The following SPHKAP variants were observed in gnomAD, a reference collection of about 807,000 sequenced individuals.
The protein encoded by SPHKAP is SPHK1 interactor, AKAP domain containing.
A neutral mutation model predicts 137.5 loss-of-function variants in SPHKAP; 67 were observed. That is an observed-to-expected ratio of 0.49 (90% CI 0.40 to 0.60). The LOEUF (loss-of-function observed/expected upper bound fraction) is 0.60. Ranked by LOEUF, SPHKAP falls within the 20% of genes least tolerant of loss-of-function variation. The probability of loss-of-function intolerance (pLI) is 0.00; values close to 1 mark genes in which losing one functional copy is unlikely to be tolerated. For missense variants in SPHKAP, 2,097 were observed against 2,069.3 expected, an observed-to-expected ratio of 1.01 and a Z score of -0.26; for synonymous variants, 813 against 785.3, an observed-to-expected ratio of 1.04 and a Z score of -0.59.
At position 227,980,775 on chromosome 2, in the gene SPHKAP, A is replaced by G. The variant is rs1692966099; in HGVS notation, c.*942T>C. ...GTGATGAAACAGGCCACTGAGCTCAATGTCAATATGTGACTTTAGACAACA... is the reference window on the plus strand; with the variant it reads ...GTGATGAAACAGGCCACTGAGCTCAGTGTCAATATGTGACTTTAGACAACA... On this transcript the variant is annotated 3_prime_UTR_variant, in exon 12 of 12. Coordinates refer to ENST00000392056, the MANE Select transcript of SPHKAP (RefSeq NM_001142644.2). The G allele has an allele frequency of 6.6e-6, 1 of 152,204 alleles. No individual in the cohort carries two copies. Among genetic ancestry groups the G allele is most frequent in the Non-Finnish European group, 1.5e-5 (1 of 68,026 alleles). 9.4% of individuals were successfully genotyped at this position (152,204 alleles called of 1,614,324 possible).
rs112749989 is a variant in SPHKAP, at chr2:227,995,633, C to T, written c.4510G>A (p.Asp1504Asn). 584 of 1,613,608 alleles carry T rather than the reference C, an allele frequency of 3.6e-4. 3 individuals are homozygous for T. In the African/African-American group the frequency reaches 6.6e-3, roughly 18 times the overall value. The change falls in exon 8 of 12, where the codon GAT becomes AAT. Residue 1504 changes from aspartate (D) to asparagine (N), a missense_variant. Physicochemically the swap from Asp to Asn is conservative, Grantham distance 23. Transcript: ENST00000392056. ...CTGCTTGGAGGGTTGGGGGCCTCAT[C>T]GGGGGCTCTGGCTTCTGTGGAGGCT... ...AEASTEARAP[D>N]EAPNPPSSSE...
intron 3 of SPHKAP, among the ~76,000 whole-genome samples, chr2:228,067,350 A>G (rs1416524752): frequency 6.6e-6 from 1 of 152,240 alleles, no homozygotes; most frequent in East Asian, 1.9e-4. Context: ...AAAACTAATA[A>G]AATCTCAATA....
chr2:228,064,037 G>A (rs919240349), intron 3 of SPHKAP, among the ~76,000 whole-genome samples: 6 of 152,108 alleles, frequency 3.9e-5, no homozygotes, highest in Non-Finnish European at 7.3e-5. Context: ...AGTTGATATT[G>A]CTCAGTTCAA....
chr2:228,002,390 C>A (rs79572335), intron 7 of SPHKAP, among the ~76,000 whole-genome samples: 80,530 of 151,988 alleles, frequency 0.53, 21,688 homozygotes, highest in South Asian at 0.67. Context: ...GTCTGCTCAT[C>A]TCCTTCACCC....
chr2:228,129,243 C>A (rs556941297), intron 2 of SPHKAP, among the ~76,000 whole-genome samples: 2 of 152,124 alleles, frequency 1.3e-5, no homozygotes, highest in African/African-American at 2.4e-5. Flanking sequence ...TAAGTGAGCA[C>A]GTTCTGTTGG....
At chr2:228,136,980 C>G (rs562109914) in intron 1 of SPHKAP, among the ~76,000 whole-genome samples, 1 of 152,186 alleles carries the variant, frequency 6.6e-6, no homozygotes, top group Non-Finnish European at 1.5e-5. Flanking sequence ...CCTCCCTTCT[C>G]TCTTCCCCCT....
At chr2:228,091,327 T>G (rs952420230) in intron 3 of SPHKAP, among the ~76,000 whole-genome samples, 1 of 152,162 alleles carries the variant, frequency 6.6e-6, no homozygotes, top group African/African-American at 2.4e-5. Flanking sequence ...GAAGATAACA[T>G]TGGAAAACCC....
Position 227,989,497 on chromosome 2 carries a change from C to T in SPHKAP, c.4959+1503G>A, listed in dbSNP as rs117303646. On this transcript the variant is annotated intron_variant, in intron 11 of 11. Transcript: ENST00000392056. ...GGTTTTTCACCCTAATCCCTGGGAC[C>T]ATGAATAGGATGCGATATCATGCCC... is the stretch of plus-strand genomic sequence containing the variant. Among the ~76,000 whole-genome samples, 117 of 152,230 alleles carry T rather than the reference C, an allele frequency of 7.7e-4. 2 individuals carry two copies. In the East Asian group the frequency reaches 0.022, roughly 29 times the overall value.
chr2:228,108,692 T>C (rs1344311133), intron 3 of SPHKAP, 140 bp downstream of exon 3: 12 of 600,436 alleles, frequency 2.0e-5, no homozygotes, highest in Non-Finnish European at 3.4e-5. Context: ...ACTGTCCATA[T>C]AAACCCGCTA....
At chr2:228,159,071 G>T (rs553487918) in intron 1 of SPHKAP, among the ~76,000 whole-genome samples, 40 of 152,246 alleles carry the variant, frequency 2.6e-4, no homozygotes, top group Non-Finnish European at 5.0e-4. Context: ...TGGAGTCAGG[G>T]TTCCAGTCTG....
intron 1 of SPHKAP, among the ~76,000 whole-genome samples, chr2:228,171,612 A>G (rs571635353): frequency 1.0e-3 from 152 of 152,316 alleles, no homozygotes; most frequent in Non-Finnish European, 2.0e-3. Flanking sequence ...ACAAGAAATG[A>G]AAAGTTAATT....
chr2:228,034,367 C>G (rs1389509984), intron 3 of SPHKAP, among the ~76,000 whole-genome samples: 1 of 152,170 alleles, frequency 6.6e-6, no homozygotes, highest in South Asian at 2.1e-4. Flanking sequence ...ATAACAGGCT[C>G]TGAAATTGTG....
chr2:228,052,428 A>G (rs1696289336), intron 3 of SPHKAP, among the ~76,000 whole-genome samples: 1 of 152,234 alleles, frequency 6.6e-6, no homozygotes, highest in Non-Finnish European at 1.5e-5. Context: ...AGAGAGGATT[A>G]TCATGGCTTC....
intron 3 of SPHKAP, among the ~76,000 whole-genome samples, chr2:228,087,218 C>A (rs1373395918): frequency 1.3e-5 from 2 of 152,112 alleles, no homozygotes; most frequent in Non-Finnish European, 2.9e-5. Flanking sequence ...CTTCACACTG[C>A]ATTGGGGAAA....
chr2:228,064,275 C>G lies in SPHKAP; in HGVS notation c.247-36732G>C, dbSNP rs1696752831. 2.0e-5 allele frequency among the ~76,000 whole-genome samples: 3 copies of G among 152,110 alleles called. No individual in the cohort carries two copies. The South Asian group carries it at 6.2e-4, about 32-fold the overall frequency. On this transcript the variant is annotated intron_variant, in intron 3 of 11. Transcript: ENST00000392056. ...AAGTAGTAAAAGTAAACATCACAAC[C>G]AGGCAGAAGAATCACGACTCAACTT...
At chr2:228,041,646 CAAAA>C (rs58570907) in intron 3 of SPHKAP, among the ~76,000 whole-genome samples, 5 of 95,932 alleles carry the variant, frequency 5.2e-5, no homozygotes, top group Middle Eastern at 5.2e-3. Context: ...GACTCTGTCT[CAAAA>C]AAAAAAAAAA....
intron 1 of SPHKAP, among the ~76,000 whole-genome samples, chr2:228,174,739 C>T (rs1700688063): frequency 6.6e-6 from 1 of 152,036 alleles, no homozygotes; most frequent in African/African-American, 2.4e-5. Flanking sequence ...CTAGGTATGG[C>T]AGAGATGTTG....
intron 1 of SPHKAP, among the ~76,000 whole-genome samples, chr2:228,166,411 G>A (rs1271101831): frequency 6.6e-6 from 1 of 152,072 alleles, no homozygotes; most frequent in Non-Finnish European, 1.5e-5. Flanking sequence ...TACTTCACAT[G>A]CCTTTTTCCA....
At chr2:228,010,031 C>T (rs952467110) in intron 7 of SPHKAP, among the ~76,000 whole-genome samples, 5 of 152,126 alleles carry the variant, frequency 3.3e-5, no homozygotes, top group South Asian at 2.1e-4. Flanking sequence ...TGCATATCTC[C>T]CTCTAGTCTG....
Sources: gnomAD v4.1 joint callset for allele counts (sites outside exome capture counted in the v4.1 genomes callset) on GRCh38, gnomAD v4.1.1 for gene constraint, MANE v1.5 for transcripts, NCBI Gene and HGNC (gene_info 2026-07-23, HGNC 2026-07-21) for gene names.